PVT1: variants seen among roughly 807,000 people sequenced by gnomAD.
The protein encoded by PVT1 is Pvt1 oncogene.
At chr8:128,038,062 G>A (rs1222639640) in intron 4 of PVT1, among the ~76,000 whole-genome samples, 1 of 152,200 alleles carries the variant, frequency 6.6e-6, no homozygotes, top group African/African-American at 2.4e-5. Context: ...ATTCTGGCCA[G>A]TATCGAACAA....
chr8:128,046,543 G>A (rs1282773548), intron 4 of PVT1, among the ~76,000 whole-genome samples: 1 of 152,212 alleles, frequency 6.6e-6, no homozygotes, highest in Non-Finnish European at 1.5e-5. Context: ...GTGCTCCATG[G>A]TGATGGAGAA....
chr8:127,952,802 TG>T (rs1178882333), intron 3 of PVT1, among the ~76,000 whole-genome samples: 1 of 151,280 alleles, frequency 6.6e-6, no homozygotes, highest in Non-Finnish European at 1.5e-5. Context: ...TCTCGCTCTG[TG>T]GCCCAGGCTG....
At chr8:127,957,328 C>T (rs575485787) in intron 3 of PVT1, among the ~76,000 whole-genome samples, 6 of 152,180 alleles carry the variant, frequency 3.9e-5, no homozygotes, top group South Asian at 2.1e-4. Context: ...CAGCACTATG[C>T]GAGACCGAGG....
intron 3 of PVT1, among the ~76,000 whole-genome samples, chr8:127,894,706 A>G (rs1358916648): frequency 1.3e-5 from 2 of 152,252 alleles, no homozygotes; most frequent in African/African-American, 4.8e-5. Flanking sequence ...GAAAAGGTCA[A>G]CTTTTCAAAA....
intron 3 of PVT1, among the ~76,000 whole-genome samples, chr8:127,921,638 C>T (rs1219742023): frequency 1.3e-5 from 2 of 151,770 alleles, no homozygotes; most frequent in African/African-American, 4.8e-5. Context: ...ATATCGAAAC[C>T]CCATCTCTAT....
At chr8:128,086,199 T>A (rs1814253015) in intron 5 of PVT1, among the ~76,000 whole-genome samples, 1 of 152,226 alleles carries the variant, frequency 6.6e-6, no homozygotes, top group South Asian at 2.1e-4. Flanking sequence ...ATTTCCTTTT[T>A]TTAGGACACG....
intron 3 of PVT1, among the ~76,000 whole-genome samples, chr8:127,913,065 G>C (rs566398669): frequency 3.3e-5 from 5 of 152,068 alleles, no homozygotes; most frequent in African/African-American, 4.8e-5. Context: ...GGCCAGGCTG[G>C]TCTTGAACTC....
rs2648866 is a variant in PVT1 at position 128,051,998 on chromosome 8, C to A, written n.913-18162C>A. Among the ~76,000 whole-genome samples the A allele has an allele frequency of 7.4e-4, 112 of 152,088 alleles. 1 individual carries two copies. In the East Asian group the frequency reaches 0.021, roughly 28 times the overall value. ...TCATGTTTCCTTGTCTATTTGTAAC[C>A]CTTGGGGTCTTGTGTTGATGTCTAC... On this transcript the variant is annotated intron_variant and non_coding_transcript_variant, in intron 4 of 10. Transcript: ENST00000651587.
At chr8:128,098,128 C>A (rs982973410) in intron 6 of PVT1, among the ~76,000 whole-genome samples, 3 of 152,116 alleles carry the variant, frequency 2.0e-5, no homozygotes, top group Non-Finnish European at 4.4e-5. Context: ...GCCTTCCCCC[C>A]GCCCCACCAT....
chr8:128,020,208 C>T (rs1414287736), intron 4 of PVT1, among the ~76,000 whole-genome samples: 1 of 152,120 alleles, frequency 6.6e-6, no homozygotes, highest in African/African-American at 2.4e-5. Flanking sequence ...CTAAAGATGC[C>T]CATGCCCTAA....
intron 3 of PVT1, among the ~76,000 whole-genome samples, chr8:127,965,879 CT>C (rs1816698205): frequency 6.6e-6 from 1 of 152,092 alleles, no homozygotes; most frequent in Non-Finnish European, 1.5e-5. Context: ...ATGATGCAGA[CT>C]TTAGGTGAGG....
At chr8:128,049,503 A>G (rs1813661515) in intron 4 of PVT1, among the ~76,000 whole-genome samples, 1 of 152,152 alleles carries the variant, frequency 6.6e-6, no homozygotes, top group Non-Finnish European at 1.5e-5. Flanking sequence ...GGGCTGGGCC[A>G]TTGGAGTGGT....
intron 4 of PVT1, among the ~76,000 whole-genome samples, chr8:128,035,579 C>T (rs1813451977): frequency 6.6e-6 from 1 of 152,200 alleles, no homozygotes; most frequent in Non-Finnish European, 1.5e-5. Context: ...GTCTGCTGGA[C>T]AGCAGCCCCC....
intron 3 of PVT1, among the ~76,000 whole-genome samples, chr8:127,907,370 A>G (rs951128539): frequency 1.3e-5 from 2 of 151,666 alleles, no homozygotes; most frequent in African/African-American, 2.4e-5. Context: ...CCAGATGGAC[A>G]GCCCGGGCCC....
At chr8:127,998,876 T>C (rs1817141479) in intron 4 of PVT1, among the ~76,000 whole-genome samples, 1 of 145,636 alleles carries the variant, frequency 6.9e-6, no homozygotes, top group South Asian at 2.2e-4. Context: ...TCTCTCTCTC[T>C]TTTTTTGGTG....
intron 2 of PVT1, among the ~76,000 whole-genome samples, chr8:127,812,169 G>A (rs1702783553): frequency 8.7e-6 from 1 of 114,706 alleles, no homozygotes. Flanking sequence ...GAGGGGAGGG[G>A]AAGAGGGAGA....
At chr8:128,026,046 G>A (rs1192024231) in intron 4 of PVT1, among the ~76,000 whole-genome samples, 1 of 152,062 alleles carries the variant, frequency 6.6e-6, no homozygotes, top group African/African-American at 2.4e-5. Context: ...CCGCCTCCAG[G>A]GTTCAAGTGA....
chr8:127,832,574 C>G (rs984013282), intron 2 of PVT1, among the ~76,000 whole-genome samples: 22 of 152,326 alleles, frequency 1.4e-4, no homozygotes, highest in South Asian at 8.3e-4. Flanking sequence ...AATTCATGCA[C>G]ATGGCCGGGT....
intron 3 of PVT1, among the ~76,000 whole-genome samples, chr8:127,958,788 G>C (rs1038607651): frequency 2.6e-5 from 4 of 152,130 alleles, no homozygotes; most frequent in Admixed American, 1.3e-4. Flanking sequence ...CCAACATCTG[G>C]TTGTACGGAA....
Sources: allele counts gnomAD v4.1 joint callset (sites outside exome capture counted in the v4.1 genomes callset), GRCh38; gene constraint gnomAD v4.1.1; transcripts MANE v1.5; gene names NCBI Gene and HGNC (gene_info 2026-07-23, HGNC 2026-07-21).